JAK1: variants seen among roughly 807,000 people sequenced by gnomAD.
JAK1 encodes the protein tyrosine-protein kinase JAK1.
A neutral mutation model predicts 136.6 loss-of-function variants in JAK1; 16 were observed. That is an observed-to-expected ratio of 0.12 (90% CI 0.08 to 0.18). The LOEUF is 0.18. JAK1 is among the 10% of genes least tolerant of loss of function. JAK1 has a pLI of 1.00. For missense variants in JAK1, 859 were observed against 1,450.1 expected, an observed-to-expected ratio of 0.59 and a Z score of 6.62; for synonymous variants, 492 against 519.5, an observed-to-expected ratio of 0.95 and a Z score of 0.72.
chr1:65,012,708 C>T (rs528845599), intron 2 of JAK1, among the ~76,000 whole-genome samples: 32 of 151,638 alleles, frequency 2.1e-4, no homozygotes, highest in Admixed American at 1.7e-3. Context: ...AGGAGAATCA[C>T]TTGAACCCAG....
intron 1 of JAK1, among the ~76,000 whole-genome samples, chr1:64,907,030 G>T (rs1645201608): frequency 6.6e-6 from 1 of 151,930 alleles, no homozygotes; most frequent in South Asian, 2.1e-4. Context: ...AATATTTATG[G>T]ATCCAAAGTA....
chr1:64,835,144 G>A (rs1268356104), intron 24 of JAK1, among the ~76,000 whole-genome samples: 2 of 152,178 alleles, frequency 1.3e-5, no homozygotes. Context: ...CTGTCCCTCT[G>A]GGGCAAGCAA....
At chr1:64,949,998 A>G (rs1646053352) in intron 1 of JAK1, among the ~76,000 whole-genome samples, 1 of 152,270 alleles carries the variant, frequency 6.6e-6, no homozygotes, top group Non-Finnish European at 1.5e-5. Flanking sequence ...AAAGTTTAAG[A>G]AGACAGGTAT....
At chr1:64,852,502 T>G (rs1655664834) in intron 11 of JAK1, among the ~76,000 whole-genome samples, 1 of 152,144 alleles carries the variant, frequency 6.6e-6, no homozygotes, top group African/African-American at 2.4e-5. Flanking sequence ...GAAAATCCGA[T>G]TCAGAGGCAA....
chr1:64,867,873 C>T (rs1355860232), intron 6 of JAK1, among the ~76,000 whole-genome samples: 1 of 151,926 alleles, frequency 6.6e-6, no homozygotes, highest in Non-Finnish European at 1.5e-5. Flanking sequence ...GCCTGTAATC[C>T]CAGCTACTCA....
At chr1:64,904,135 A>G (rs1645155222) in intron 1 of JAK1, among the ~76,000 whole-genome samples, 1 of 152,258 alleles carries the variant, frequency 6.6e-6, no homozygotes, top group African/African-American at 2.4e-5. Context: ...GTTCTTTAAT[A>G]TAGAAACAGA....
chr1:64,838,157 A>G, intron 21 of JAK1, 53 bp from the exon 22 acceptor site: 4 of 1,497,530 alleles, frequency 2.7e-6, no homozygotes, highest in East Asian at 4.6e-5. Flanking sequence ...TTTAGATTGT[A>G]TTATCTATCA....
Position 64,841,241 on chromosome 1 carries a change from T to C in JAK1, c.2649+4A>G. On this transcript the variant is annotated splice_donor_region_variant and intron_variant, in intron 19 of 24. Transcript: ENST00000342505. ...CAGCAGCAAGCAGCACGGGTGTAAC[T>C]TACCTCTCCCAAGTCACGGATCCTC... 2 of 1,609,932 alleles carry C rather than the reference T, an allele frequency of 1.2e-6. No individual in the cohort carries two copies. Among genetic ancestry groups the C allele is most frequent in the South Asian group, 1.1e-5 (1 of 91,000 alleles).
At chr1:65,045,198 G>C (rs1647173281) in intron 1 of JAK1, among the ~76,000 whole-genome samples, 1 of 152,228 alleles carries the variant, frequency 6.6e-6, no homozygotes, top group Non-Finnish European at 1.5e-5. Flanking sequence ...CCACATCAAA[G>C]CTGAGCTCTA....
At chr1:65,003,100 G>C (rs1189473661) in intron 2 of JAK1, among the ~76,000 whole-genome samples, 1 of 141,272 alleles carries the variant, frequency 7.1e-6, no homozygotes, top group East Asian at 2.1e-4. Context: ...CGCCTGACTC[G>C]CCCCATTGCA....
intron 2 of JAK1, among the ~76,000 whole-genome samples, chr1:65,009,371 A>T (rs935619150): frequency 6.6e-6 from 1 of 152,226 alleles, no homozygotes; most frequent in Non-Finnish European, 1.5e-5. Context: ...CTGGGGAAGG[A>T]AGTGGAATTG....
intron 1 of JAK1, among the ~76,000 whole-genome samples, chr1:64,904,023 T>C (rs1645153357): frequency 6.6e-6 from 1 of 152,224 alleles, no homozygotes; most frequent in South Asian, 2.1e-4. Flanking sequence ...GTGCTCTGAA[T>C]CTAACAGGTA....
In JAK1 at chr1:64,853,215, A is replaced by G. The variant is rs181031805; in HGVS notation, c.1648+2294T>C. On this transcript the variant is annotated intron_variant, in intron 11 of 24. Coordinates refer to ENST00000342505, the MANE Select transcript of JAK1 (RefSeq NM_002227.4). ...AATTTGCACATGGCAAAGGGAAGAG[A>G]GAGAGCTTTGGGGGACCTATGTAAG... Among the ~76,000 whole-genome samples, 502 of 152,312 alleles carry G rather than the reference A, an allele frequency of 3.3e-3. 4 individuals carry two copies. The highest frequency in any genetic ancestry group is 3.7e-3 in the Non-Finnish European group (251 of 68,026).
intron 1 of JAK1, among the ~76,000 whole-genome samples, chr1:64,925,394 C>A (rs1165520084): frequency 1.3e-5 from 2 of 151,398 alleles, no homozygotes; most frequent in Non-Finnish European, 2.9e-5. Context: ...GAAACTCTGT[C>A]TCAAAAAAAA....
intron 2 of JAK1, among the ~76,000 whole-genome samples, chr1:64,996,025 G>T (rs925705010): frequency 6.6e-6 from 1 of 152,204 alleles, no homozygotes; most frequent in Non-Finnish European, 1.5e-5. Context: ...TTATAGGCCT[G>T]AGCCACTGCG....
chr1:64,903,129 C>T (rs190843648), intron 1 of JAK1, among the ~76,000 whole-genome samples: 10 of 152,246 alleles, frequency 6.6e-5, no homozygotes, highest in Non-Finnish European at 1.0e-4. Flanking sequence ...CAGGTTCAAG[C>T]GATTCTCCTG....
intron 1 of JAK1, among the ~76,000 whole-genome samples, chr1:64,943,010 A>G (rs566738038): frequency 3.9e-4 from 60 of 152,364 alleles, no homozygotes; most frequent in African/African-American, 1.4e-3. Flanking sequence ...ATAAATAATT[A>G]AAACAGGCCC....
intron 2 of JAK1, among the ~76,000 whole-genome samples, chr1:65,028,776 G>T (rs1336742785): frequency 3.9e-5 from 6 of 152,154 alleles, no homozygotes; most frequent in Non-Finnish European, 8.8e-5. Flanking sequence ...CAATAGCACT[G>T]AGATAAGGGT....
At chr1:64,928,798 A>AAAAAAAC (rs1645635910) in intron 1 of JAK1, among the ~76,000 whole-genome samples, 22 of 90,006 alleles carry the variant, frequency 2.4e-4, no homozygotes, top group East Asian at 1.8e-3. Flanking sequence ...AAAAAAAAAC[A>AAAAAAAC]AAAAAAAAAA....
Sources: gnomAD v4.1 joint callset for allele counts (sites outside exome capture counted in the v4.1 genomes callset) on GRCh38, gnomAD v4.1.1 for gene constraint, MANE v1.5 for transcripts, NCBI Gene and HGNC (gene_info 2026-07-23, HGNC 2026-07-21) for gene names.